CTNNA3: variants seen among roughly 807,000 people sequenced by gnomAD.
CTNNA3 encodes the protein catenin alpha 3.
In CTNNA3, 76 loss-of-function variants were observed where a neutral mutation model predicts 95.7. The observed-to-expected ratio is 0.79, with a 90% confidence interval of 0.66 to 0.96. The LOEUF is 0.96. Ranked by LOEUF, CTNNA3 falls within the 40% of genes least tolerant of loss-of-function variation. The pLI is 0.00. For missense variants in CTNNA3, 1,191 were observed against 1,089.8 expected, an observed-to-expected ratio of 1.09 and a Z score of -1.31; for synonymous variants, 431 against 374.4, an observed-to-expected ratio of 1.15 and a Z score of -1.74.
At chr10:66,955,974 C>A (rs1464240655) in intron 7 of CTNNA3, among the ~76,000 whole-genome samples, 1 of 152,000 alleles carries the variant, frequency 6.6e-6, no homozygotes, top group South Asian at 2.1e-4. Flanking sequence ...TAGTGCTCTG[C>A]CAGAAAGGGG....
intron 2 of CTNNA3, among the ~76,000 whole-genome samples, chr10:67,614,145 C>T (rs1200852301): frequency 6.6e-6 from 1 of 152,116 alleles, no homozygotes; most frequent in Non-Finnish European, 1.5e-5. Context: ...GTCCATTTTA[C>T]AGAGTGCTGA....
chr10:66,033,162 G>A (rs1160151622), intron 15 of CTNNA3, among the ~76,000 whole-genome samples: 14 of 128,974 alleles, frequency 1.1e-4, no homozygotes, highest in South Asian at 4.8e-4. Flanking sequence ...GACGAGTCTC[G>A]CTCTGTCACC....
intron 17 of CTNNA3, among the ~76,000 whole-genome samples, chr10:65,922,867 G>A (rs570114616): frequency 1.3e-5 from 2 of 152,210 alleles, no homozygotes; most frequent in South Asian, 4.1e-4. Context: ...CTGGCAGGGA[G>A]GCCTCAGGAA....
chr10:67,175,086 AG>A (rs1360537852), intron 7 of CTNNA3, among the ~76,000 whole-genome samples: 2 of 77,096 alleles, frequency 2.6e-5, no homozygotes, highest in East Asian at 7.1e-4. Flanking sequence ...AAAAAAAAAA[AG>A]AAAGGAAGGG....
chr10:65,972,268 T>C (rs2078120477), intron 16 of CTNNA3, among the ~76,000 whole-genome samples: 1 of 151,920 alleles, frequency 6.6e-6, no homozygotes, highest in Non-Finnish European at 1.5e-5. Flanking sequence ...ACCAATCTCC[T>C]TGAAAACTGT....
chr10:66,518,657 C>T (rs1312967044), intron 11 of CTNNA3, among the ~76,000 whole-genome samples: 2 of 151,800 alleles, frequency 1.3e-5, no homozygotes, highest in Non-Finnish European at 2.9e-5. Context: ...CAGAAATATG[C>T]AGCCAAATAT....
chr10:66,206,789 C>T (rs2087786353), intron 13 of CTNNA3, among the ~76,000 whole-genome samples: 1 of 151,832 alleles, frequency 6.6e-6, no homozygotes, highest in Admixed American at 6.6e-5. Flanking sequence ...TATTCATGGG[C>T]ATGTATCACA....
intron 6 of CTNNA3, among the ~76,000 whole-genome samples, chr10:67,184,871 T>C (rs1236622625): frequency 1.3e-5 from 2 of 152,212 alleles, no homozygotes; most frequent in Admixed American, 6.5e-5. Flanking sequence ...TGATGTTTTA[T>C]CTTTCTCAGT....
chr10:66,250,980 C>T (rs1040825614), intron 13 of CTNNA3, among the ~76,000 whole-genome samples: 3 of 152,182 alleles, frequency 2.0e-5, no homozygotes, highest in African/African-American at 7.2e-5. Flanking sequence ...CTATACCTCT[C>T]ATATTGCCCT....
At chr10:67,550,926 G>C (rs1841007273) in intron 3 of CTNNA3, among the ~76,000 whole-genome samples, 1 of 152,134 alleles carries the variant, frequency 6.6e-6, no homozygotes, top group South Asian at 2.1e-4. Context: ...TCGTGTCTCA[G>C]TCTATCATAA....
At chr10:67,252,986 C>T (rs757148870) in intron 5 of CTNNA3, among the ~76,000 whole-genome samples, 46 of 152,266 alleles carry the variant, frequency 3.0e-4, no homozygotes, top group Middle Eastern at 3.4e-3. Flanking sequence ...TTCATTCTTA[C>T]CATAGAGCAA....
At chr10:67,070,603 T>C (rs564701831) in intron 7 of CTNNA3, among the ~76,000 whole-genome samples, 15 of 152,006 alleles carry the variant, frequency 9.9e-5, no homozygotes, top group African/African-American at 3.6e-4. Context: ...GAAAATTAGC[T>C]GGGCATGGTG....
At chr10:66,413,866 A>G (rs979244183) in intron 11 of CTNNA3, among the ~76,000 whole-genome samples, 23 of 152,188 alleles carry the variant, frequency 1.5e-4, no homozygotes, top group Non-Finnish European at 2.9e-4. Context: ...AATATCCACA[A>G]TCAACAATAG....
chr10:66,190,907 C>A (rs1162343114), intron 13 of CTNNA3, among the ~76,000 whole-genome samples: 2 of 152,100 alleles, frequency 1.3e-5, no homozygotes, highest in African/African-American at 4.8e-5. Context: ...TAGCAATGAC[C>A]CCCTAGCGGA....
rs149589678 is a variant in CTNNA3, at chr10:67,649,317, AT to A, written c.-5-1800del. On this transcript the variant is annotated intron_variant, in intron 1 of 17. Coordinates refer to ENST00000433211, the MANE Select transcript of CTNNA3 (RefSeq NM_013266.4). ...TTCCAAAGCTACATGGCCACCAGAAATTGAAAGTAAGGAAGATAAAAAATTA... is the reference window on the plus strand; with the variant it reads ...TTCCAAAGCTACATGGCCACCAGAAATGAAAGTAAGGAAGATAAAAAATTA... 8.6e-3 allele frequency among the ~76,000 whole-genome samples: 1,311 copies of A among 152,350 alleles called. 16 individuals carry two copies. The highest frequency in any genetic ancestry group is 0.03 in the African/African-American group (1,241 of 41,580).
At chr10:67,322,666 T>C (rs1209393371) in intron 5 of CTNNA3, among the ~76,000 whole-genome samples, 1 of 152,220 alleles carries the variant, frequency 6.6e-6, no homozygotes, top group African/African-American at 2.4e-5. Context: ...CTATTGTGAT[T>C]AGTGCTGCAA....
chr10:66,122,176 A>G (rs1351220108), intron 13 of CTNNA3, among the ~76,000 whole-genome samples: 2 of 152,186 alleles, frequency 1.3e-5, no homozygotes, highest in African/African-American at 4.8e-5. Context: ...AAAAGGAAAT[A>G]TAAAAATTCA....
intron 12 of CTNNA3, among the ~76,000 whole-genome samples, chr10:66,347,334 G>T (rs2092530396): frequency 6.6e-6 from 1 of 152,072 alleles, no homozygotes; most frequent in Non-Finnish European, 1.5e-5. Flanking sequence ...AAACAGGCTG[G>T]ATGCCATGGC....
At chr10:67,191,507 A>G (rs551929826) in intron 6 of CTNNA3, among the ~76,000 whole-genome samples, 68 of 152,002 alleles carry the variant, frequency 4.5e-4, no homozygotes, top group African/African-American at 1.6e-3. Flanking sequence ...TATTAGCATC[A>G]AAAATATAAA....
Sources: gnomAD v4.1 joint callset for allele counts (sites outside exome capture counted in the v4.1 genomes callset) on GRCh38, gnomAD v4.1.1 for gene constraint, MANE v1.5 for transcripts, NCBI Gene and HGNC (gene_info 2026-07-23, HGNC 2026-07-21) for gene names.